Variants in CDKN2C observed in about 807,000 individuals in gnomAD.
CDKN2C encodes cyclin dependent kinase inhibitor 2C, also known as cyclin-dependent kinase 4 inhibitor C.
CDKN2C carries 5 observed loss-of-function variants against 11.0 expected under a neutral mutation model. That is an observed-to-expected ratio of 0.45 (90% confidence interval 0.24 to 0.95). CDKN2C has a LOEUF of 0.95. CDKN2C is among the 40% of genes least tolerant of loss of function. The probability of loss-of-function intolerance (pLI) is 0.21; values close to 1 mark genes in which losing one functional copy is unlikely to be tolerated. For synonymous variants in CDKN2C, 79 were observed against 88.3 expected, an observed-to-expected ratio of 0.89 and a Z score of 0.59; for missense variants, 161 against 211.9, an observed-to-expected ratio of 0.76 and a Z score of 1.49.
intron 1 of CDKN2C, among the ~76,000 whole-genome samples, chr1:50,963,937 A>G (rs953495549): frequency 1.3e-5 from 2 of 151,956 alleles, no homozygotes; most frequent in African/African-American, 2.4e-5. Context: ...TAGAATCTCC[A>G]TGTTCTTTTA....
intron 1 of CDKN2C, among the ~76,000 whole-genome samples, chr1:50,965,173 G>T (rs2124775755): frequency 6.6e-6 from 1 of 151,954 alleles, no homozygotes; most frequent in Non-Finnish European, 1.5e-5. Flanking sequence ...CTTTTGGGTT[G>T]CTTACTGGGC....
Position 50,974,279 on chromosome 1 carries a change from A to G in CDKN2C, c.*9A>G, listed in dbSNP as rs1003030607. The G allele has an allele frequency of 1.9e-6, 3 of 1,540,192 alleles. No individual in the cohort carries two copies. The African/African-American group carries it at 4.1e-5, about 21-fold the overall frequency. On this transcript the variant is annotated 3_prime_UTR_variant, in exon 2 of 2. Transcript: ENST00000371761. ...CCACAAATCTTCAATAAACGTGGGG[A>G]GGGCTCCCCCACGTTGCCTCTACTT...
At chr1:50,968,504 G>A (rs1327971647), upstream of CDKN2C, 1 of 152,426 alleles carries the variant, frequency 6.6e-6, no homozygotes, top group East Asian at 1.9e-4. Context: ...GCTCCAGCTG[G>A]GGACAGGCCG....
At chr1:50,969,197 A>G (rs569276927), upstream of CDKN2C, 2 of 152,528 alleles carry the variant, frequency 1.3e-5, no homozygotes, top group African/African-American at 4.8e-5. The surrounding 1 kb of genome is among the most constrained non-coding windows in gnomAD (Gnocchi z 6.6). Context: ...CCCTACTCAG[A>G]ACTTGGCCTA....
chr1:50,967,457 C>T (rs1645352724), upstream of CDKN2C, among the ~76,000 whole-genome samples: 2 of 152,184 alleles, frequency 1.3e-5, no homozygotes, highest in Non-Finnish European at 2.9e-5. Flanking sequence ...TTTCCCTCTA[C>T]CTACCAATCT....
At chr1:50,970,819 A>G (rs1463845594) in intron 1 of CDKN2C, among the ~76,000 whole-genome samples, 1 of 152,154 alleles carries the variant, frequency 6.6e-6, no homozygotes, top group Non-Finnish European at 1.5e-5. Flanking sequence ...GTTTTTAAAG[A>G]CAGCTCTGTA....
chr1:50,974,329 T>C lies in CDKN2C; in HGVS notation c.*59T>C, dbSNP rs1396474368. 1 of 1,465,878 alleles carries C rather than the reference T, an allele frequency of 6.8e-7. No individual in the cohort carries two copies. The highest frequency in any genetic ancestry group is 1.4e-5 in the African/African-American group (1 of 70,718). 90.8% of individuals were successfully genotyped at this position (1,465,878 alleles called of 1,614,324 possible). ...TTATCAATTAACTGAGTAGCTCTCC[T>C]GACTTTTAATGTCATTTGTTAAAAT... On this transcript the variant is annotated 3_prime_UTR_variant, in exon 2 of 2. Transcript: ENST00000371761.
chr1:50,970,579 T>C (rs1334055398), intron 1 of CDKN2C, 82 bp downstream of exon 1: 4 of 1,501,000 alleles, frequency 2.7e-6, no homozygotes, highest in Non-Finnish European at 3.7e-6. Flanking sequence ...GCTTTTAAGC[T>C]TTCAGGGACA....
At chr1:50,961,505 G>A (rs1645323061) in intron 1 of CDKN2C, among the ~76,000 whole-genome samples, 3 of 152,220 alleles carry the variant, frequency 2.0e-5, no homozygotes, top group African/African-American at 7.2e-5. Flanking sequence ...GACAGTGGAA[G>A]TTGTTCATCC....
chr1:50,962,784 T>C (rs6685959), intron 1 of CDKN2C, among the ~76,000 whole-genome samples: 151,998 of 152,366 alleles, frequency 1, 75,816 homozygotes, highest in Middle Eastern at 1. Context: ...GGATGAGTCA[T>C]TTAATCTCTC....
upstream of CDKN2C, among the ~76,000 whole-genome samples, chr1:50,967,116 A>C (rs1645350464): frequency 6.6e-6 from 1 of 152,232 alleles, no homozygotes; most frequent in Admixed American, 6.5e-5. Context: ...AAATGCTAGA[A>C]GGCAATCCTC....
At position 50,974,305 on chromosome 1, in the gene CDKN2C, T is replaced by C; in HGVS notation, c.*35T>C. ...GGGCTCCCCCACGTTGCCTCTACTT[T>C]ATCAATTAACTGAGTAGCTCTCCTG... On this transcript the variant is annotated 3_prime_UTR_variant, in exon 2 of 2. Transcript: ENST00000371761. The C allele has an allele frequency of 1.3e-6, 2 of 1,519,098 alleles. No individual in the cohort carries two copies. Among genetic ancestry groups the C allele is most frequent in the Non-Finnish European group, 1.8e-6 (2 of 1,134,848 alleles). 94.1% of individuals were successfully genotyped at this position (1,519,098 alleles called of 1,614,324 possible).
chr1:50,969,745 T>C (rs944109910), upstream of CDKN2C: 6 of 177,628 alleles, frequency 3.4e-5, no homozygotes, highest in East Asian at 4.1e-4. The surrounding 1 kb of genome is among the most constrained non-coding windows in gnomAD (Gnocchi z 6.6). Flanking sequence ...CTTTTAACCC[T>C]CCGGAGCACG....
chr1:50,974,043 G>A lies in CDKN2C; in HGVS notation c.280G>A (p.Ala94Thr). 6.2e-7 allele frequency: 1 copy of A among 1,614,210 alleles called. No homozygotes were observed. Among genetic ancestry groups the A allele is most frequent in the Non-Finnish European group, 8.5e-7 (1 of 1,180,038 alleles). The change falls in exon 2 of 2, where the codon GCT becomes ACT. Residue 94 changes from alanine to threonine, a missense_variant. Physicochemically the swap from Ala to Thr is moderately conservative, Grantham distance 58. Coordinates refer to ENST00000371761, the MANE Select transcript of CDKN2C (RefSeq NM_078626.3). The stretch of plus-strand genomic sequence containing the variant: ...TTTACAGACTTTGCTGGAGTTTCAA[G>A]CTGATGTTAACATCGAGGATAATGA... ...DTLQTLLEFQ[A>T]DVNIEDNEGN...
chr1:50,965,313 C>T (rs867745561), upstream of CDKN2C, among the ~76,000 whole-genome samples: 15 of 151,928 alleles, frequency 9.9e-5, no homozygotes, highest in African/African-American at 3.4e-4. Flanking sequence ...TCCTGGCCAA[C>T]GTGGTGAAAC....
chr1:50,965,445 C>T (rs966432808), upstream of CDKN2C, among the ~76,000 whole-genome samples: 42 of 150,894 alleles, frequency 2.8e-4, no homozygotes, highest in African/African-American at 8.5e-4. Flanking sequence ...TGCAGTGAGC[C>T]GGGATCGCGC....
In CDKN2C at chr1:50,974,155, G is replaced by A. The variant is rs1645394584; in HGVS notation, c.392G>A (p.Gly131Glu). The change falls in exon 2 of 2, where the codon GGG becomes GAG. Residue 131 changes from glycine to glutamate, a missense_variant. Gly to Glu is a moderately conservative substitution (Grantham distance 98). Transcript: ENST00000371761. Reference sequence around the variant, plus strand: ...GTGAAGCACACGGCCAGCAATGTGGGGCATCGGAACCATAAGGGGGACACC... The same window carrying A: ...GTGAAGCACACGGCCAGCAATGTGGAGCATCGGAACCATAAGGGGGACACC... ...FLVKHTASNVGHRNHKGDTAC... is the reference protein window; with the variant it reads ...FLVKHTASNVEHRNHKGDTAC... The A allele has an allele frequency of 6.2e-7, 1 of 1,614,212 alleles. No homozygotes were observed. Among genetic ancestry groups the A allele is most frequent in the African/African-American group, 1.3e-5 (1 of 75,054 alleles).
chr1:50,972,005 A>G (rs530944685), intron 1 of CDKN2C, among the ~76,000 whole-genome samples: 2 of 152,260 alleles, frequency 1.3e-5, no homozygotes, highest in Admixed American at 6.5e-5. Flanking sequence ...ACTTTCTTCA[A>G]AACCGTTTCC....
At chr1:50,966,488 A>T (rs527575802), upstream of CDKN2C, among the ~76,000 whole-genome samples, 2 of 152,354 alleles carry the variant, frequency 1.3e-5, no homozygotes, top group African/African-American at 4.8e-5. Context: ...ACCACTCTCA[A>T]TATAGTAGAA....
Sources: gnomAD v4.1 joint callset for allele counts (sites outside exome capture counted in the v4.1 genomes callset) on GRCh38, gnomAD v4.1.1 for gene constraint, Gnocchi (gnomAD v3.1) non-coding constraint, MANE v1.5 for transcripts, NCBI Gene and HGNC (gene_info 2026-07-23, HGNC 2026-07-21) for gene names.